TIAM1: variants seen among roughly 807,000 people sequenced by gnomAD.
TIAM1 encodes TIAM Rac1 associated GEF 1, also known as rho guanine nucleotide exchange factor TIAM1.
A neutral mutation model predicts 163.5 loss-of-function variants in TIAM1; 65 were observed. The observed-to-expected ratio is 0.40, with a 90% CI of 0.33 to 0.49. TIAM1 has a LOEUF of 0.49. Ranked by LOEUF, TIAM1 falls within the 20% of genes least tolerant of loss-of-function variation. TIAM1 has a pLI of 0.77. For missense variants in TIAM1, 1,789 were observed against 2,044.7 expected, an observed-to-expected ratio of 0.87 and a Z score of 2.41; for synonymous variants, 833 against 810.1, an observed-to-expected ratio of 1.03 and a Z score of -0.48.
intron 2 of TIAM1, among the ~76,000 whole-genome samples, chr21:31,414,946 C>A (rs2043321943): frequency 6.6e-6 from 1 of 152,170 alleles, no homozygotes; most frequent in African/African-American, 2.4e-5. Flanking sequence ...TCACAAATGG[C>A]CCCTGGGAAA....
upstream of TIAM1, among the ~76,000 whole-genome samples, chr21:31,345,041 G>T (rs545049621): frequency 3.8e-4 from 58 of 152,288 alleles, 1 homozygote; most frequent in South Asian, 1.0e-3. Flanking sequence ...TTTCCAAACA[G>T]AAGTTTCTTT....
chr21:31,152,866 G>GA (rs2083445834), intron 18 of TIAM1, 105 bp from the exon 19 acceptor site: 2 of 1,475,256 alleles, frequency 1.4e-6, no homozygotes, highest in Non-Finnish European at 1.8e-6. Flanking sequence ...TCAATTAAGA[G>GA]AATAATCCCA....
At chr21:31,288,892 A>G (rs1385071552) in intron 2 of TIAM1, among the ~76,000 whole-genome samples, 2 of 152,220 alleles carry the variant, frequency 1.3e-5, no homozygotes, top group African/African-American at 2.4e-5. Context: ...TGGCATCATA[A>G]AGTTAAAAAG....
chr21:31,352,874 C>CA (rs35370613), intron 2 of TIAM1, among the ~76,000 whole-genome samples: 1,240 of 122,826 alleles, frequency 0.01, 7 homozygotes, highest in African/African-American at 0.027. Context: ...GACTCTGTCT[C>CA]AAAAAAAAAA....
Position 31,266,560 on chromosome 21 carries a change from T to C in TIAM1, c.413A>G (p.Asp138Gly). Residue 138 changes from aspartate to glycine, a missense_variant, in exon 4 of 28, where the codon GAC becomes GGC. Asp to Gly is a moderately conservative substitution (Grantham distance 94, BLOSUM62 -1). Around this residue, in one of 5 missense-constraint regions of TIAM1, gnomAD observed 555 missense variants for 564.9 expected, o/e 0.98. Transcript: ENST00000541036. ...GCCTCCCTCAGCCAAATATGTAGCGTCATCCCCGTAAAGCCTGCTCTCCTC... is the reference window on the plus strand; with the variant it reads ...GCCTCCCTCAGCCAAATATGTAGCGCCATCCCCGTAAAGCCTGCTCTCCTC... ...DTEESRLYGD[D>G]ATYLAEGGRR... 1 of 1,614,178 alleles carries C rather than the reference T, an allele frequency of 6.2e-7. No individual in the cohort carries two copies. The highest frequency in any genetic ancestry group is 1.3e-5 in the African/African-American group (1 of 75,052).
intron 2 of TIAM1, among the ~76,000 whole-genome samples, chr21:31,451,733 G>A (rs2044858562): frequency 1.2e-5 from 1 of 81,462 alleles, no homozygotes; most frequent in African/African-American, 4.7e-5. Context: ...GTGTGTGTGT[G>A]TGTGTGTGTG....
At chr21:31,362,535 T>G (rs1200592027) in intron 2 of TIAM1, among the ~76,000 whole-genome samples, 2 of 151,710 alleles carry the variant, frequency 1.3e-5, no homozygotes, top group Non-Finnish European at 2.9e-5. Context: ...GGTGCAATCT[T>G]GGCTCACTGC....
At chr21:31,550,078 C>T (rs1356045843) in intron 1 of TIAM1, among the ~76,000 whole-genome samples, 2 of 151,416 alleles carry the variant, frequency 1.3e-5, no homozygotes, top group African/African-American at 4.9e-5. Flanking sequence ...GAGCCGAAAT[C>T]GTGCCTCTGC....
intron 1 of TIAM1, among the ~76,000 whole-genome samples, chr21:31,513,812 A>C (rs2047291745): frequency 6.6e-6 from 1 of 152,144 alleles, no homozygotes; most frequent in Admixed American, 6.5e-5. Context: ...GTTCAAGACC[A>C]GCCTGGCCAA....
intron 5 of TIAM1, 64 bp from the exon 6 acceptor site, chr21:31,245,724 T>C (rs1405244855): frequency 4.6e-6 from 6 of 1,307,484 alleles, no homozygotes; most frequent in Non-Finnish European, 4.9e-6. Flanking sequence ...GAACCCACAG[T>C]TGAACCTAAC....
intron 1 of TIAM1, among the ~76,000 whole-genome samples, chr21:31,343,114 C>T (rs2076068044): frequency 6.6e-6 from 1 of 152,178 alleles, no homozygotes; most frequent in Admixed American, 6.5e-5. Context: ...ATTCTGTAAA[C>T]ATTCTCATGA....
intron 1 of TIAM1, among the ~76,000 whole-genome samples, chr21:31,519,759 GA>G (rs1245158654): frequency 2.0e-5 from 3 of 152,124 alleles, no homozygotes; most frequent in Non-Finnish European, 4.4e-5. Context: ...CTGCAACACA[GA>G]ACCCTAAAAA....
intron 1 of TIAM1, among the ~76,000 whole-genome samples, chr21:31,482,435 C>T (rs1351824425): frequency 6.6e-6 from 1 of 152,168 alleles, no homozygotes; most frequent in Non-Finnish European, 1.5e-5. Context: ...TACAGGCACG[C>T]ACCTGGCCCA....
rs115298778 is a variant in TIAM1 at position 31,243,663 on chromosome 21, C to T, written c.1584+1825G>A. On this transcript the variant is annotated intron_variant, in intron 6 of 27. Coordinates refer to ENST00000541036, the MANE Select transcript of TIAM1 (RefSeq NM_001353694.2). ...TATTAAAAGATACATATCTGAAAGA[C>T]AATAAATTCCAGGTAAAGTAAACTC... Among the ~76,000 whole-genome samples, 1,431 of 152,128 alleles carry T rather than the reference C, an allele frequency of 9.4e-3. 28 individuals are homozygous for T. The highest frequency in any genetic ancestry group is 0.032 in the African/African-American group (1,345 of 41,480).
chr21:31,353,035 C>T (rs570272659), intron 2 of TIAM1, among the ~76,000 whole-genome samples: 3 of 152,106 alleles, frequency 2.0e-5, no homozygotes, highest in East Asian at 3.9e-4. Flanking sequence ...AATGACATTG[C>T]CTCACCTATC....
chr21:31,484,373 G>A (rs1263337341), intron 1 of TIAM1, among the ~76,000 whole-genome samples: 8 of 152,324 alleles, frequency 5.3e-5, no homozygotes, highest in Middle Eastern at 3.4e-3. Flanking sequence ...GCACATACCC[G>A]CAGGTATGAG....
chr21:31,528,765 A>G (rs1405149874), intron 1 of TIAM1, among the ~76,000 whole-genome samples: 1 of 147,644 alleles, frequency 6.8e-6, no homozygotes, highest in Non-Finnish European at 1.5e-5. Context: ...AGATTGTACC[A>G]CTGAACTCCA....
intron 6 of TIAM1, among the ~76,000 whole-genome samples, chr21:31,235,784 A>T (rs1316530446): frequency 6.6e-6 from 1 of 152,234 alleles, no homozygotes; most frequent in Non-Finnish European, 1.5e-5. Flanking sequence ...ACAGTATAGA[A>T]ATTGTATAGG....
At chr21:31,516,900 A>G (rs1188998953) in intron 1 of TIAM1, among the ~76,000 whole-genome samples, 1 of 151,568 alleles carries the variant, frequency 6.6e-6, no homozygotes. Context: ...AAATACAAAA[A>G]TTAGCTGGGC....
Sources: allele counts gnomAD v4.1 joint callset (sites outside exome capture counted in the v4.1 genomes callset), GRCh38; gene constraint gnomAD v4.1.1; regional missense constraint gnomAD v4.1.1; transcripts MANE v1.5; gene names NCBI Gene and HGNC (gene_info 2026-07-23, HGNC 2026-07-21).